EPHA6: variants seen among roughly 807,000 people sequenced by gnomAD.
The protein encoded by EPHA6 is ephrin type-A receptor 6.
Under a neutral mutation model 112.0 loss-of-function variants are expected in EPHA6, and 50 were observed. That is an observed-to-expected ratio of 0.45 (90% CI 0.36 to 0.56). EPHA6 has a LOEUF of 0.56. EPHA6 is among the 20% of genes least tolerant of loss of function. EPHA6 has a pLI of 0.00. For synonymous variants in EPHA6, 529 were observed against 490.7 expected, an observed-to-expected ratio of 1.08 and a Z score of -1.03; for missense variants, 1,280 against 1,417.4, an observed-to-expected ratio of 0.90 and a Z score of 1.56.
At chr3:97,092,956 T>G (rs1437684795) in intron 3 of EPHA6, among the ~76,000 whole-genome samples, 1 of 152,138 alleles carries the variant, frequency 6.6e-6, no homozygotes, top group Non-Finnish European at 1.5e-5. Context: ...TGCTATCTTG[T>G]AGCTCCAGTC....
rs529935332 is a variant in EPHA6, at chr3:97,520,879, G to A, written c.2201-11479G>A. On this transcript the variant is annotated intron_variant, in intron 10 of 17. Coordinates refer to ENST00000389672, the MANE Select transcript of EPHA6 (RefSeq NM_001080448.3). ...TATATGGTGTCCCATATGTCACATA[G>A]CCTTTATTATTTTTTATTGTTTTAT... Among the ~76,000 whole-genome samples, 18 of 152,152 alleles carry A rather than the reference G, an allele frequency of 1.2e-4. No homozygotes were observed. The East Asian group carries it at 3.5e-3, about 29-fold the overall frequency.
chr3:97,169,232 T>G (rs954068034), intron 3 of EPHA6, among the ~76,000 whole-genome samples: 1 of 152,186 alleles, frequency 6.6e-6, no homozygotes, highest in Non-Finnish European at 1.5e-5. Flanking sequence ...TTGGATTAAA[T>G]GCACACATTT....
At chr3:97,627,671 A>G (rs1251927618) in intron 13 of EPHA6, among the ~76,000 whole-genome samples, 1 of 151,920 alleles carries the variant, frequency 6.6e-6, no homozygotes, top group Admixed American at 6.6e-5. Context: ...ATAATAAAAT[A>G]TATAGTCACC....
chr3:96,942,608 G>A (rs528995665), intron 2 of EPHA6, among the ~76,000 whole-genome samples: 11 of 152,290 alleles, frequency 7.2e-5, no homozygotes, highest in Middle Eastern at 3.4e-3. Flanking sequence ...CACACGGTGC[G>A]CTGCACCCAC....
intron 2 of EPHA6, among the ~76,000 whole-genome samples, chr3:96,884,162 A>G (rs1307424897): frequency 2.6e-5 from 4 of 152,088 alleles, no homozygotes; most frequent in Admixed American, 2.0e-4. Flanking sequence ...TGATGCCTCT[A>G]GATTTGTTCT....
chr3:97,243,871 T>A (rs183980316), intron 4 of EPHA6, 81 bp from the exon 5 acceptor site: 2 of 1,035,396 alleles, frequency 1.9e-6, no homozygotes, highest in African/African-American at 1.6e-5. Flanking sequence ...GCAACAAGTG[T>A]TTATTGATGA....
Position 97,734,910 on chromosome 3 carries a change from T to G in EPHA6, c.2935-1015T>G, listed in dbSNP as rs140432022. Among the ~76,000 whole-genome samples the G allele has an allele frequency of 4.8e-3, 733 of 152,132 alleles. 3 individuals are homozygous for G. Among genetic ancestry groups the G allele is most frequent in the African/African-American group, 0.017 (695 of 41,546 alleles). ...AGGCTACATAAATTCAGGGTCAGTATTATCATATTGCTAGGAAGGTGGATC... is the reference window on the plus strand; with the variant it reads ...AGGCTACATAAATTCAGGGTCAGTAGTATCATATTGCTAGGAAGGTGGATC... On this transcript the variant is annotated intron_variant, in intron 15 of 17. Transcript: ENST00000389672.
intron 2 of EPHA6, among the ~76,000 whole-genome samples, chr3:96,925,795 G>A (rs2107642043): frequency 6.6e-6 from 1 of 151,974 alleles, no homozygotes; most frequent in Middle Eastern, 3.4e-3. Context: ...TAGTAGAGGT[G>A]GGGTTTCACC....
intron 3 of EPHA6, among the ~76,000 whole-genome samples, chr3:97,210,813 C>T (rs1264153009): frequency 6.6e-6 from 1 of 152,208 alleles, no homozygotes; most frequent in African/African-American, 2.4e-5. Context: ...GCAAGGGCAG[C>T]TCATCTCTGC....
At chr3:97,351,948 C>A (rs954713920) in intron 5 of EPHA6, among the ~76,000 whole-genome samples, 2 of 151,900 alleles carry the variant, frequency 1.3e-5, no homozygotes, top group South Asian at 4.1e-4. Flanking sequence ...AAACATACCC[C>A]CCATTATTAC....
chr3:97,416,346 A>T (rs1192885811), intron 6 of EPHA6, among the ~76,000 whole-genome samples: 1 of 152,114 alleles, frequency 6.6e-6, no homozygotes, highest in African/African-American at 2.4e-5. Context: ...AGTTAAATGA[A>T]ATGCTATGAT....
At chr3:97,333,457 G>A (rs955320335) in intron 5 of EPHA6, among the ~76,000 whole-genome samples, 4 of 133,894 alleles carry the variant, frequency 3.0e-5, no homozygotes, top group African/African-American at 1.2e-4. Flanking sequence ...TTTACACTCT[G>A]TATGGCTTTT....
intron 6 of EPHA6, among the ~76,000 whole-genome samples, chr3:97,447,380 A>C (rs1399365346): frequency 6.6e-6 from 1 of 152,172 alleles, no homozygotes; most frequent in African/African-American, 2.4e-5. Flanking sequence ...ACAGAATTTA[A>C]GCATCAAATG....
intron 11 of EPHA6, among the ~76,000 whole-genome samples, chr3:97,575,649 G>C (rs2093375963): frequency 6.6e-6 from 1 of 152,164 alleles, no homozygotes; most frequent in East Asian, 1.9e-4. Context: ...ATTATAGTGT[G>C]ATATAAATCA....
At chr3:97,747,719 T>C (rs1308291438) in intron 17 of EPHA6, 147 bp downstream of exon 17, 2 of 573,280 alleles carry the variant, frequency 3.5e-6, no homozygotes, top group Non-Finnish European at 5.3e-6. Flanking sequence ...TAGTGGAAGT[T>C]GGACATTACA....
At chr3:97,102,158 A>AT (rs1211762231) in intron 3 of EPHA6, among the ~76,000 whole-genome samples, 1 of 152,046 alleles carries the variant, frequency 6.6e-6, no homozygotes, top group Non-Finnish European at 1.5e-5. Context: ...TGTGAGCTGC[A>AT]TGTTGGAGAG....
At chr3:97,691,691 C>T (rs2032676055) in intron 14 of EPHA6, among the ~76,000 whole-genome samples, 1 of 152,126 alleles carries the variant, frequency 6.6e-6, no homozygotes, top group Non-Finnish European at 1.5e-5. Flanking sequence ...TCTAATAACC[C>T]TAACACCCAA....
intron 1 of EPHA6, among the ~76,000 whole-genome samples, chr3:96,815,541 G>A (rs2032710727): frequency 6.6e-6 from 1 of 152,072 alleles, no homozygotes; most frequent in South Asian, 2.1e-4. Context: ...AGACTTACTC[G>A]AAATTCTTCC....
chr3:97,314,829 T>C (rs9858193), intron 5 of EPHA6, among the ~76,000 whole-genome samples: 2,496 of 151,752 alleles, frequency 0.016, 82 homozygotes, highest in African/African-American at 0.057. Context: ...CCTAAACTTA[T>C]TGACACATAC....
Sources: allele counts gnomAD v4.1 joint callset (sites outside exome capture counted in the v4.1 genomes callset), GRCh38; gene constraint gnomAD v4.1.1; transcripts MANE v1.5; gene names NCBI Gene and HGNC (gene_info 2026-07-23, HGNC 2026-07-21).